The following BCL7C variants were observed in gnomAD, a reference collection of about 807,000 sequenced individuals.
The protein encoded by BCL7C is B-cell CLL/lymphoma 7 protein family member C.
Under a neutral mutation model 26.2 loss-of-function variants are expected in BCL7C, and 8 were observed. The ratio of observed to expected loss-of-function variants is 0.30; its 90% confidence interval spans 0.18 to 0.55. The LOEUF (loss-of-function observed/expected upper bound fraction) is 0.55, where lower values mean the gene tolerates loss of function less well. Among genes scored for constraint, BCL7C ranks in the 20% least tolerant of loss-of-function variants. The probability of loss-of-function intolerance (pLI) is 0.93; values close to 1 mark genes in which losing one functional copy is unlikely to be tolerated. For synonymous variants in BCL7C, 90 were observed against 116.5 expected, an observed-to-expected ratio of 0.77 and a Z score of 1.47; for missense variants, 262 against 298.5, an observed-to-expected ratio of 0.88 and a Z score of 0.90.
At chr16:30,836,595 C>T (rs938840962) in intron 5 of BCL7C, among the ~76,000 whole-genome samples, 8 of 151,760 alleles carry the variant, frequency 5.3e-5, no homozygotes, top group Non-Finnish European at 1.0e-4. Flanking sequence ...CCACCTCAGC[C>T]TCCCAAGTAG....
intron 5 of BCL7C, among the ~76,000 whole-genome samples, chr16:30,853,280 CTTTT>C (rs1013940000): frequency 6.6e-6 from 1 of 152,088 alleles, no homozygotes; most frequent in Non-Finnish European, 1.5e-5. Context: ...ATATTTTAAA[CTTTT>C]TTGTTAAAAA....
In BCL7C at chr16:30,893,277, C is replaced by T; in HGVS notation, c.106G>A (p.Val36Met). 2 of 1,613,536 alleles carry T rather than the reference C, an allele frequency of 1.2e-6. No homozygotes were observed. The highest frequency in any genetic ancestry group is 1.7e-6 in the Non-Finnish European group (2 of 1,179,660). Residue 36 changes from valine to methionine, a missense_variant, in exon 2 of 6, where the codon GTG becomes ATG. Coordinates refer to ENST00000215115, the MANE Select transcript of BCL7C (RefSeq NM_004765.4). The surrounding 1 kb of genome is among the most constrained non-coding windows in gnomAD (Gnocchi z 5.2). ...CGAAGGGAAGTGTCGCCCACAGTCA[C>T]CCATCGCTTCTCCCTGTGGGAGGGT... ...EKVRRWEKRW[V>M]TVGDTSLRIF...
chr16:30,852,573 C>T (rs960044963), intron 5 of BCL7C, among the ~76,000 whole-genome samples: 87 of 150,230 alleles, frequency 5.8e-4, no homozygotes, highest in African/African-American at 2.1e-3. Flanking sequence ...CTCACGGCAA[C>T]CTCTGCCTCC....
chr16:30,840,286 C>T (rs533629226), intron 5 of BCL7C, among the ~76,000 whole-genome samples: 5 of 147,016 alleles, frequency 3.4e-5, no homozygotes, highest in African/African-American at 5.0e-5. Flanking sequence ...GGCATCATCT[C>T]CACTCATTGC....
chr16:30,848,384 T>G lies in BCL7C; in HGVS notation c.529-13236A>C, dbSNP rs200201359. Among the ~76,000 whole-genome samples, 4 of 152,306 alleles carry G rather than the reference T, an allele frequency of 2.6e-5. No homozygotes were observed. The East Asian group carries it at 7.7e-4, about 29-fold the overall frequency. On this transcript the variant is annotated intron_variant, in intron 5 of 5. Coordinates refer to the BCL7C transcript ENST00000380317. The stretch of plus-strand genomic sequence containing the variant: ...AAATGCACCATTGAGGTGGGCCCTC[T>G]GATCTTGGGATATGAAGGGACCCTG...
At chr16:30,891,658 T>C (rs896035213) in intron 4 of BCL7C, among the ~76,000 whole-genome samples, 29 of 151,800 alleles carry the variant, frequency 1.9e-4, no homozygotes, top group Admixed American at 1.5e-3. Flanking sequence ...ATTCTGAGGA[T>C]ACAGTAGTGA....
chr16:30,852,815 A>G (rs1011627682), intron 5 of BCL7C, among the ~76,000 whole-genome samples: 1 of 151,580 alleles, frequency 6.6e-6, no homozygotes, highest in Non-Finnish European at 1.5e-5. Context: ...TTTTAAACTT[A>G]CTCTTTTGTC....
At chr16:30,835,889 A>C (rs1411879158) in intron 5 of BCL7C, among the ~76,000 whole-genome samples, 1 of 151,626 alleles carries the variant, frequency 6.6e-6, no homozygotes, top group African/African-American at 2.4e-5. Flanking sequence ...ACGATGGTTT[A>C]GCCTGTTATC....
chr16:30,845,796 C>G (rs1179213210), intron 5 of BCL7C, among the ~76,000 whole-genome samples: 1 of 151,890 alleles, frequency 6.6e-6, no homozygotes. Context: ...TCACTGCAGC[C>G]TCAAACTCCT....
chr16:30,835,747 G>A (rs2054565401), intron 5 of BCL7C, among the ~76,000 whole-genome samples: 1 of 151,780 alleles, frequency 6.6e-6, no homozygotes, highest in South Asian at 2.1e-4. Flanking sequence ...TCGGGAGGCT[G>A]ATACAGGAGA....
intron 5 of BCL7C, among the ~76,000 whole-genome samples, chr16:30,879,698 A>AAAAAAAAAAAAAC: frequency 6.9e-6 from 1 of 144,150 alleles, no homozygotes; most frequent in Non-Finnish European, 1.5e-5. Flanking sequence ...ACAAAAAAAA[A>AAAAAAAAAAAAAC]AAAAAAAAAA....
downstream of BCL7C, chr16:30,887,730 G>A: frequency 2.2e-6 from 3 of 1,378,572 alleles, no homozygotes; most frequent in Non-Finnish European, 2.9e-6. Flanking sequence ...GAGCAATGGT[G>A]CATGAGACAA....
chr16:30,893,210 ACCT>A lies in BCL7C; in HGVS notation c.170_171+1del, dbSNP rs1321819394. 5.6e-6 allele frequency: 9 copies of A among 1,612,212 alleles called. No individual in the cohort carries two copies. Among genetic ancestry groups the A allele is most frequent in the Non-Finnish European group, 1.7e-6 (2 of 1,178,928 alleles). On this transcript the variant is annotated splice_donor_variant and coding_sequence_variant, in exon 2 of 6. Transcript: ENST00000215115. LOFTEE classifies it high-confidence loss of function. This position sits in a 1 kb window ranked among gnomAD's most constrained non-coding sequence, Gnocchi z 5.2. ...GGCCTTGTGGGAATGGGGGTTGCTC[ACCT>A]CCTCCTGGGGATCCACCACTGGCAC...
chr16:30,863,231 G>C (rs573584604), intron 5 of BCL7C, among the ~76,000 whole-genome samples: 23 of 152,236 alleles, frequency 1.5e-4, no homozygotes, highest in African/African-American at 5.5e-4. Flanking sequence ...GCAAAGGTAG[G>C]CTATGCTACA....
intron 5 of BCL7C, chr16:30,876,043 T>G (rs1345299728): frequency 6.6e-6 from 1 of 152,380 alleles, no homozygotes; most frequent in Non-Finnish European, 1.5e-5. Context: ...CCTGGCTGCC[T>G]GGAGGAACAA....
At chr16:30,857,958 C>T (rs1298522772) in intron 5 of BCL7C, among the ~76,000 whole-genome samples, 2 of 127,726 alleles carry the variant, frequency 1.6e-5, no homozygotes, top group African/African-American at 6.1e-5. Flanking sequence ...GTGACAAGAG[C>T]GAAACTCCAA....
At chr16:30,845,744 C>G (rs2054630585) in intron 5 of BCL7C, among the ~76,000 whole-genome samples, 1 of 151,288 alleles carries the variant, frequency 6.6e-6, no homozygotes. Flanking sequence ...ATTGAGACAG[C>G]ACTCTGTTGC....
At chr16:30,880,122 C>CA (rs201099100) in intron 5 of BCL7C, among the ~76,000 whole-genome samples, 129 of 149,678 alleles carry the variant, frequency 8.6e-4, no homozygotes, top group African/African-American at 1.7e-3. Context: ...AACAAACAAA[C>CA]AAAAAAAAAC....
intron 5 of BCL7C, 159 bp downstream of exon 5, chr16:30,888,701 C>G: frequency 1.7e-6 from 1 of 603,908 alleles, no homozygotes; most frequent in Admixed American, 3.1e-5. Context: ...CTGAAACACC[C>G]TTTCTTTTTC....
Sources: gnomAD v4.1 joint callset for allele counts (sites outside exome capture counted in the v4.1 genomes callset) on GRCh38, gnomAD v4.1.1 for gene constraint, Gnocchi (gnomAD v3.1) non-coding constraint, MANE v1.5 for transcripts, NCBI Gene and HGNC (gene_info 2026-07-23, HGNC 2026-07-21) for gene names.